PCDH9: variants seen among roughly 807,000 people sequenced by gnomAD.
The protein encoded by PCDH9 is protocadherin 9.
In PCDH9, 24 loss-of-function variants were observed where a neutral mutation model predicts 70.6. The observed-to-expected ratio is 0.34, with a 90% CI of 0.25 to 0.48. The LOEUF is 0.48. Among genes scored for constraint, PCDH9 ranks in the 20% least tolerant of loss-of-function variants. PCDH9 has a pLI of 0.99. For synonymous variants in PCDH9, 562 were observed against 558.5 expected, an observed-to-expected ratio of 1.01 and a Z score of -0.09; for missense variants, 1,281 against 1,503.6, an observed-to-expected ratio of 0.85 and a Z score of 2.45.
chr13:66,730,117 T>C (rs1453276997), intron 3 of PCDH9, among the ~76,000 whole-genome samples: 2 of 152,230 alleles, frequency 1.3e-5, no homozygotes, highest in Admixed American at 1.3e-4. Flanking sequence ...ATTTTCTGTA[T>C]AGTCAATAAA....
Position 66,956,018 on chromosome 13 carries a change from C to G in PCDH9, c.3037-52413G>C, listed in dbSNP as rs548600231. On this transcript the variant is annotated intron_variant, in intron 2 of 4. Coordinates refer to ENST00000377865, the MANE Select transcript of PCDH9 (RefSeq NM_203487.3). ...TCAGAAGGCTGAGGCAGGAGAATCG[C>G]TTGAACACAGGAGGCAGAGGTTGCA... Among the ~76,000 whole-genome samples the G allele has an allele frequency of 4.6e-5, 7 of 152,234 alleles. No individual in the cohort carries two copies. In the East Asian group the frequency reaches 1.4e-3, roughly 29 times the overall value.
intron 4 of PCDH9, among the ~76,000 whole-genome samples, chr13:66,446,248 G>C (rs1472592024): frequency 1.3e-5 from 2 of 151,882 alleles, no homozygotes; most frequent in Non-Finnish European, 2.9e-5. Flanking sequence ...CTAATAAAAA[G>C]AGTAACCAAC....
chr13:66,461,636 A>G (rs112623951), intron 4 of PCDH9, among the ~76,000 whole-genome samples: 5 of 151,736 alleles, frequency 3.3e-5, no homozygotes, highest in Admixed American at 3.3e-4. Context: ...AGATACACAA[A>G]ACGGGAAGCT....
At chr13:66,842,403 T>G (rs1201979568) in intron 3 of PCDH9, among the ~76,000 whole-genome samples, 1 of 152,184 alleles carries the variant, frequency 6.6e-6, no homozygotes, top group Non-Finnish European at 1.5e-5. Context: ...CTATCTGCAT[T>G]GAACAGAAAA....
At chr13:66,608,463 C>A in intron 4 of PCDH9, among the ~76,000 whole-genome samples, 1 of 152,090 alleles carries the variant, frequency 6.6e-6, no homozygotes, top group African/African-American at 2.4e-5. Flanking sequence ...AAGAAAGTTT[C>A]TTAGTTTGGT....
At chr13:66,384,747 C>T (rs1956900862) in intron 4 of PCDH9, among the ~76,000 whole-genome samples, 1 of 152,174 alleles carries the variant, frequency 6.6e-6, no homozygotes, top group South Asian at 2.1e-4. Context: ...TCAATACAAC[C>T]TCCACCTCTC....
intron 2 of PCDH9, chr13:67,225,085 C>G (rs186748281): frequency 2.5e-6 from 3 of 1,182,140 alleles, no homozygotes; most frequent in Non-Finnish European, 3.1e-6. Flanking sequence ...CCCCCAGGAG[C>G]AGAATTTGGC....
intron 2 of PCDH9, chr13:67,209,074 G>GA (rs2089417073): frequency 6.6e-6 from 1 of 152,090 alleles, no homozygotes; most frequent in African/African-American, 2.4e-5. Flanking sequence ...ACCTTCCCCT[G>GA]AAAAACACTG....
chr13:66,613,880 C>T (rs2077324082), intron 4 of PCDH9, among the ~76,000 whole-genome samples: 1 of 152,104 alleles, frequency 6.6e-6, no homozygotes, highest in African/African-American at 2.4e-5. Context: ...ATAAAAACAA[C>T]CCTAAAGACT....
In PCDH9 at chr13:66,874,790, C is replaced by G. The variant is rs1184794581; in HGVS notation, c.3138+28714G>C. ...GGCATCTGAAGGCTTGAAGGCTTCT[C>G]TAAATATCAAATCCTCTGTTAAATT... On this transcript the variant is annotated intron_variant, in intron 3 of 4. Coordinates refer to ENST00000377865, the MANE Select transcript of PCDH9 (RefSeq NM_203487.3). Among the ~76,000 whole-genome samples the G allele has an allele frequency of 3.9e-5, 6 of 152,212 alleles. No individual in the cohort carries two copies. The East Asian group carries it at 1.2e-3, about 29-fold the overall frequency.
chr13:66,589,823 A>G (rs2077015566), intron 4 of PCDH9, among the ~76,000 whole-genome samples: 1 of 152,126 alleles, frequency 6.6e-6, no homozygotes. Context: ...AGAGTTTGAG[A>G]ATACATATTA....
intron 3 of PCDH9, among the ~76,000 whole-genome samples, chr13:66,805,712 C>T (rs867808096): frequency 1.3e-5 from 2 of 152,022 alleles, no homozygotes; most frequent in African/African-American, 4.8e-5. Context: ...ATTCCAATTC[C>T]GTCCTATGTC....
intron 3 of PCDH9, among the ~76,000 whole-genome samples, chr13:66,644,794 A>G (rs963980596): frequency 4.6e-5 from 7 of 152,086 alleles, no homozygotes; most frequent in African/African-American, 1.7e-4. Flanking sequence ...TAGACTTTAA[A>G]GTTTCTACAT....
intron 3 of PCDH9, among the ~76,000 whole-genome samples, chr13:66,896,824 T>C (rs1388795051): frequency 1.3e-5 from 2 of 152,158 alleles, no homozygotes; most frequent in Non-Finnish European, 2.9e-5. Flanking sequence ...AAAGAACCAG[T>C]GGAACTTTCC....
At chr13:67,138,508 A>C (rs2087290767) in intron 2 of PCDH9, among the ~76,000 whole-genome samples, 1 of 152,208 alleles carries the variant, frequency 6.6e-6, no homozygotes, top group Non-Finnish European at 1.5e-5. Flanking sequence ...TATGACAGGA[A>C]ATATCTGCTC....
intron 3 of PCDH9, among the ~76,000 whole-genome samples, chr13:66,827,614 T>C (rs1428181653): frequency 6.6e-6 from 1 of 152,156 alleles, no homozygotes; most frequent in South Asian, 2.1e-4. Context: ...TTAGGATATA[T>C]GGAGTGAAGA....
At position 67,226,812 on chromosome 13, in the gene PCDH9, A is replaced by T; in HGVS notation, c.1629T>A (p.Thr543=). The T allele has an allele frequency of 6.2e-7, 1 of 1,614,120 alleles. No individual in the cohort carries two copies. The highest frequency in any genetic ancestry group is 8.5e-7 in the Non-Finnish European group (1 of 1,179,982). The change falls in exon 2 of 5, where the codon ACT becomes ACA. Residue 543 remains threonine (T), a synonymous_variant. Coordinates refer to ENST00000377865, the MANE Select transcript of PCDH9 (RefSeq NM_203487.3). This position sits in a 1 kb window ranked among gnomAD's most constrained non-coding sequence, Gnocchi z 5.0. ...GGGGAGGGGTCCCATTGTCCCTGGCAGTTACTGTAAAAATGAATCGTTCTT... is the reference window on the plus strand; with the variant it reads ...GGGGAGGGGTCCCATTGTCCCTGGCTGTTACTGTAAAAATGAATCGTTCTT... ...EEQERFIFTV[T]ARDNGTPPLQ... is the part of the protein sequence containing the mutation.
At chr13:67,026,787 C>T (rs887320347) in intron 2 of PCDH9, among the ~76,000 whole-genome samples, 3 of 151,372 alleles carry the variant, frequency 2.0e-5, no homozygotes, top group African/African-American at 7.3e-5. Flanking sequence ...AACAGAGAGC[C>T]AAATCATGAG....
At chr13:66,934,076 T>C (rs2082863417) in intron 2 of PCDH9, among the ~76,000 whole-genome samples, 1 of 152,158 alleles carries the variant, frequency 6.6e-6, no homozygotes, top group African/African-American at 2.4e-5. Context: ...CCTGCCTGCC[T>C]ACTGCCTGCC....
Sources: allele counts gnomAD v4.1 joint callset (sites outside exome capture counted in the v4.1 genomes callset), GRCh38; gene constraint gnomAD v4.1.1; non-coding constraint Gnocchi (gnomAD v3.1); transcripts MANE v1.5; gene names NCBI Gene and HGNC (gene_info 2026-07-23, HGNC 2026-07-21).